FARS2: variants seen among roughly 807,000 people sequenced by gnomAD.
FARS2 encodes phenylalanine--tRNA ligase, mitochondrial.
A neutral mutation model predicts 46.4 loss-of-function variants in FARS2; 40 were observed. The ratio of observed to expected loss-of-function variants is 0.86; its 90% CI spans 0.67 to 1.12. The LOEUF (loss-of-function observed/expected upper bound fraction) is 1.12, where lower values mean the gene tolerates loss of function less well. Ranked by LOEUF, FARS2 falls within the 50% of genes most tolerant of loss-of-function variation. FARS2 has a pLI of 0.00. For missense variants in FARS2, 513 were observed against 567.9 expected (o/e 0.90, Z 0.98); for synonymous variants, 234 against 214.9 (o/e 1.09, Z -0.78).
intron 6 of FARS2, among the ~76,000 whole-genome samples, chr6:5,625,438 G>C (rs1029474800): frequency 3.3e-5 from 5 of 152,192 alleles, no homozygotes; most frequent in Non-Finnish European, 5.9e-5. Flanking sequence ...ACTGAGGCTT[G>C]AGTAGCAGCC....
chr6:5,456,744 A>AAAAAAAAAAAAAG (rs1554187511), intron 4 of FARS2, among the ~76,000 whole-genome samples: 5 of 148,980 alleles, frequency 3.4e-5, no homozygotes, highest in Admixed American at 1.3e-4. Context: ...AAAAAAAAAA[A>AAAAAAAAAAAAAG]AAAAGAGATG....
chr6:5,394,552 T>C (rs1760776843), intron 2 of FARS2, among the ~76,000 whole-genome samples: 1 of 152,194 alleles, frequency 6.6e-6, no homozygotes, highest in African/African-American at 2.4e-5. Context: ...TGTGTGTACA[T>C]ATATGTACAT....
chr6:5,339,016 A>C (rs992239593), intron 1 of FARS2, among the ~76,000 whole-genome samples: 9 of 152,344 alleles, frequency 5.9e-5, no homozygotes, highest in African/African-American at 2.2e-4. Flanking sequence ...AACGAGTTGA[A>C]ACTAAAGTTT....
chr6:5,368,933 G>C lies in FARS2; in HGVS notation c.363G>C (p.Thr121=), dbSNP rs1265996563. The C allele has an allele frequency of 6.2e-7, 1 of 1,614,018 alleles. No homozygotes were observed. The highest frequency in any genetic ancestry group is 1.3e-5 in the African/African-American group (1 of 74,920). The change falls in exon 2 of 7, where the codon ACG becomes ACC. Residue 121 remains threonine (T), a synonymous_variant. Coordinates refer to ENST00000274680, the MANE Select transcript of FARS2 (RefSeq NM_006567.5). ...SVYDNLSPVV[T]TWQNFDSLLI... ...ACGACAACCTTTCTCCAGTGGTCAC[G>C]ACCTGGCAGAACTTTGACAGCCTGC...
At chr6:5,491,029 G>A (rs933353211) in intron 4 of FARS2, among the ~76,000 whole-genome samples, 3 of 152,290 alleles carry the variant, frequency 2.0e-5, no homozygotes, top group East Asian at 1.9e-4. Flanking sequence ...GGGATAATTT[G>A]TTTACACATC....
At chr6:5,436,047 CAT>C (rs71643396) in intron 4 of FARS2, among the ~76,000 whole-genome samples, 63,170 of 151,486 alleles carry the variant, frequency 0.42, 13,786 homozygotes, top group Non-Finnish European at 0.48. Context: ...AATATCACAG[CAT>C]ACAATACACA....
chr6:5,266,666 G>T (rs74821327), intron 1 of FARS2, among the ~76,000 whole-genome samples: 1 of 152,118 alleles, frequency 6.6e-6, no homozygotes, highest in Non-Finnish European at 1.5e-5. Context: ...GAATTGGAAG[G>T]TTATTGATTT....
At position 5,730,469 on chromosome 6, in the gene FARS2, G is replaced by C. The variant is rs6934053; in HGVS notation, c.1218-40822G>C. Among the ~76,000 whole-genome samples the C allele has an allele frequency of 6.6e-3, 1,002 of 152,216 alleles. 15 individuals carry two copies. Among genetic ancestry groups the C allele is most frequent in the African/African-American group, 0.023 (947 of 41,538 alleles). On this transcript the variant is annotated intron_variant, in intron 6 of 6. Coordinates refer to ENST00000274680, the MANE Select transcript of FARS2 (RefSeq NM_006567.5). ...TTGGTCACAGGGAAGATCACTTACCGAGTCCTAGATCTATTTATGTAGAAA... is the reference window on the plus strand; with the variant it reads ...TTGGTCACAGGGAAGATCACTTACCCAGTCCTAGATCTATTTATGTAGAAA...
At chr6:5,256,073 G>A (rs1441342574), upstream of FARS2, among the ~76,000 whole-genome samples, 3 of 151,866 alleles carry the variant, frequency 2.0e-5, no homozygotes, top group Admixed American at 6.6e-5. Context: ...CCAAAAGGTT[G>A]GTCATGCCAA....
intron 6 of FARS2, among the ~76,000 whole-genome samples, chr6:5,696,681 TAAC>T (rs1395096203): frequency 6.6e-6 from 1 of 152,212 alleles, no homozygotes; most frequent in Non-Finnish European, 1.5e-5. Flanking sequence ...AGGAAATCAT[TAAC>T]AATTATCTAC....
At chr6:5,536,075 G>T (rs938368019) in intron 4 of FARS2, among the ~76,000 whole-genome samples, 3 of 134,302 alleles carry the variant, frequency 2.2e-5, no homozygotes, top group Non-Finnish European at 4.6e-5. Context: ...TTTTTGAGAC[G>T]GAGTCTCACT....
chr6:5,401,429 T>A (rs969093880), intron 2 of FARS2, among the ~76,000 whole-genome samples: 3 of 152,192 alleles, frequency 2.0e-5, no homozygotes, highest in African/African-American at 7.2e-5. Context: ...ATATTCTACT[T>A]TCCTCTTTGC....
chr6:5,611,556 G>A (rs542234875), intron 5 of FARS2, among the ~76,000 whole-genome samples: 13 of 152,278 alleles, frequency 8.5e-5, no homozygotes, highest in South Asian at 2.1e-4. Flanking sequence ...TCCCATGTCC[G>A]ATACCTACCT....
chr6:5,690,298 G>T (rs958387848), intron 6 of FARS2, among the ~76,000 whole-genome samples: 1 of 152,124 alleles, frequency 6.6e-6, no homozygotes, highest in Non-Finnish European at 1.5e-5. Context: ...AGCCTCGATG[G>T]TCTTTACAAT....
At chr6:5,575,234 G>T (rs1772892129) in intron 5 of FARS2, among the ~76,000 whole-genome samples, 2 of 152,168 alleles carry the variant, frequency 1.3e-5, no homozygotes, top group African/African-American at 4.8e-5. Flanking sequence ...AATAAAACAA[G>T]AATGCAGACC....
intron 1 of FARS2, among the ~76,000 whole-genome samples, chr6:5,325,227 A>T (rs1770281695): frequency 6.6e-6 from 1 of 152,128 alleles, no homozygotes; most frequent in Admixed American, 6.5e-5. Flanking sequence ...TCTTTTCCTG[A>T]GTCAAAGGAT....
intron 1 of FARS2, among the ~76,000 whole-genome samples, chr6:5,262,092 C>T (rs1250389752): frequency 1.3e-5 from 2 of 152,284 alleles, no homozygotes; most frequent in South Asian, 4.1e-4. Flanking sequence ...AAGAACCACA[C>T]CTTTCTGCAC....
intron 2 of FARS2, among the ~76,000 whole-genome samples, chr6:5,397,096 A>C (rs138430126): frequency 7.2e-5 from 11 of 152,334 alleles, no homozygotes; most frequent in East Asian, 3.9e-4. Context: ...CGTATAAGTA[A>C]TAAAAATGGT....
At chr6:5,427,769 T>C (rs143244145) in intron 3 of FARS2, among the ~76,000 whole-genome samples, 18 of 152,304 alleles carry the variant, frequency 1.2e-4, no homozygotes, top group African/African-American at 4.3e-4. Flanking sequence ...AAAAGACACC[T>C]GCAGGATGAT....
Sources: gnomAD v4.1 joint callset for allele counts (sites outside exome capture counted in the v4.1 genomes callset) on GRCh38, gnomAD v4.1.1 for gene constraint, MANE v1.5 for transcripts, NCBI Gene and HGNC (gene_info 2026-07-23, HGNC 2026-07-21) for gene names.